STK31: variants seen among roughly 807,000 people sequenced by gnomAD.
The protein encoded by STK31 is serine/threonine-protein kinase 31.
In STK31, 89 loss-of-function variants were observed where a neutral mutation model predicts 129.7. The ratio of observed to expected loss-of-function variants is 0.69; its 90% CI spans 0.58 to 0.82. The LOEUF is 0.82. Ranked by LOEUF, STK31 falls within the 40% of genes least tolerant of loss-of-function variation. The pLI is 0.00. For missense variants in STK31, 1,187 were observed against 1,176.4 expected (o/e 1.01, Z -0.13); for synonymous variants, 448 against 395.3 (o/e 1.13, Z -1.58).
rs113622383 is a variant in STK31, at chr7:23,791,459, T to A, written c.2760+513T>A. ...GACACAAAGAAGGGACACTGGGGTC[T>A]ACTTGAGGGTGGAGGTTGGGAGAAA... On this transcript the variant is annotated intron_variant, in intron 22 of 23. Coordinates refer to ENST00000355870, the MANE Select transcript of STK31 (RefSeq NM_031414.5). The A allele has an allele frequency of 9.5e-3, 2,203 of 232,080 alleles. 41 individuals carry two copies. Among genetic ancestry groups the A allele is most frequent in the African/African-American group, 0.049 (2,082 of 42,886 alleles). 14.4% of individuals were successfully genotyped at this position (232,080 alleles called of 1,614,324 possible). A position where few individuals can be genotyped will look rare whatever the true frequency, so the allele number is the denominator to read the frequency against.
At chr7:23,810,746 G>GAT (rs1321110809) in intron 22 of STK31, among the ~76,000 whole-genome samples, 13 of 122,330 alleles carry the variant, frequency 1.1e-4, no homozygotes, top group South Asian at 4.9e-4. Flanking sequence ...ATATAAAATA[G>GAT]ATATATATAA....
intron 11 of STK31, among the ~76,000 whole-genome samples, chr7:23,764,989 G>C (rs1328091185): frequency 6.6e-6 from 1 of 151,532 alleles, no homozygotes; most frequent in Non-Finnish European, 1.5e-5. Flanking sequence ...TGCCTTTTAA[G>C]TTCGTATCCC....
chr7:23,746,828 T>C (rs996392116), intron 8 of STK31, among the ~76,000 whole-genome samples: 3 of 152,008 alleles, frequency 2.0e-5, no homozygotes, highest in African/African-American at 7.2e-5. Context: ...AACTTAATAT[T>C]ATTTAATTTT....
At position 23,763,485 on chromosome 7, in the gene STK31, C is replaced by T. The variant is rs142654496; in HGVS notation, c.1416+562C>T. On this transcript the variant is annotated intron_variant, in intron 11 of 23. Transcript: ENST00000355870. ...TTTCACCTAATAATAGTGTTTCTCT[C>T]TACTTATTCAGATCTTTTTTTGTCC... Among the ~76,000 whole-genome samples the T allele has an allele frequency of 3.1e-3, 469 of 152,238 alleles. 5 individuals carry two copies. Among genetic ancestry groups the T allele is most frequent in the African/African-American group, 0.01 (426 of 41,556 alleles).
At chr7:23,736,647 T>C (rs1787736511) in intron 7 of STK31, among the ~76,000 whole-genome samples, 1 of 152,128 alleles carries the variant, frequency 6.6e-6, no homozygotes, top group Non-Finnish European at 1.5e-5. Flanking sequence ...TACTTTGTTC[T>C]CTGTAGTTGA....
chr7:23,710,758 C>T (rs1393592828), intron 1 of STK31: 90 of 1,038,054 alleles, frequency 8.7e-5, no homozygotes, highest in Non-Finnish European at 9.6e-5. Flanking sequence ...GCATCAGTGC[C>T]TTCATAATCA....
intron 10 of STK31, among the ~76,000 whole-genome samples, chr7:23,755,395 A>G (rs1442499051): frequency 1.3e-5 from 2 of 152,082 alleles, no homozygotes; most frequent in African/African-American, 4.8e-5. Flanking sequence ...TGGATATTAG[A>G]TCTTTGTCAG....
At chr7:23,766,995 C>T (rs1789868885) in intron 11 of STK31, among the ~76,000 whole-genome samples, 1 of 152,120 alleles carries the variant, frequency 6.6e-6, no homozygotes. Context: ...AGCTGTGTCC[C>T]TTCTGCCATT....
At chr7:23,816,874 T>A (rs1401071170) in intron 23 of STK31, among the ~76,000 whole-genome samples, 1 of 152,130 alleles carries the variant, frequency 6.6e-6, no homozygotes, top group African/African-American at 2.4e-5. Flanking sequence ...GGGGCAATCT[T>A]AGAAGTCTGC....
At chr7:23,746,750 T>TG (rs1788377009) in intron 8 of STK31, among the ~76,000 whole-genome samples, 1 of 152,124 alleles carries the variant, frequency 6.6e-6, no homozygotes, top group East Asian at 1.9e-4. Flanking sequence ...AGGAAGAGCA[T>TG]GGGTTGGTCT....
chr7:23,791,437 A>G, intron 22 of STK31: 2 of 334,276 alleles, frequency 6.0e-6, no homozygotes, highest in Non-Finnish European at 4.2e-6. Flanking sequence ...ACATATGGAC[A>G]CAAAGAAGGG....
intron 23 of STK31, among the ~76,000 whole-genome samples, chr7:23,826,159 C>G (rs545852472): frequency 1.3e-5 from 2 of 152,108 alleles, no homozygotes; most frequent in African/African-American, 2.4e-5. Flanking sequence ...TCCTTGTTAA[C>G]TTTCTGTCTT....
intron 10 of STK31, 134 bp downstream of exon 10, chr7:23,754,608 C>T (rs754062036): frequency 5.0e-5 from 48 of 955,578 alleles, no homozygotes; most frequent in South Asian, 3.4e-4. Context: ...ATACATGCGC[C>T]GTGGTAGTTT....
At chr7:23,790,972 A>G in intron 22 of STK31, 26 bp downstream of exon 22, 1 of 1,481,368 alleles carries the variant, frequency 6.8e-7, no homozygotes, top group Admixed American at 2.4e-5. Flanking sequence ...GTTGAAATAG[A>G]TCATATATAT....
At chr7:23,807,684 G>A (rs1340039410) in intron 22 of STK31, among the ~76,000 whole-genome samples, 1 of 151,602 alleles carries the variant, frequency 6.6e-6, no homozygotes, top group East Asian at 1.9e-4. Flanking sequence ...CAAATTTTCT[G>A]TCTTTTATTG....
At chr7:23,815,095 T>C (rs914541668) in intron 22 of STK31, 49 bp from the exon 23 acceptor site, 1 of 1,341,044 alleles carries the variant, frequency 7.5e-7, no homozygotes, top group Non-Finnish European at 1.0e-6. Context: ...TTCTATAGAT[T>C]GGCGTATTAA....
intron 22 of STK31, among the ~76,000 whole-genome samples, chr7:23,801,603 G>C (rs1200816319): frequency 2.0e-5 from 3 of 151,994 alleles, no homozygotes; most frequent in Non-Finnish European, 4.4e-5. Context: ...TTGTGTATAA[G>C]AACTCTTCGC....
chr7:23,828,399 C>A (rs954949119), intron 23 of STK31, among the ~76,000 whole-genome samples: 84 of 152,356 alleles, frequency 5.5e-4, no homozygotes, highest in African/African-American at 2.0e-3. Flanking sequence ...GAGCCATGTG[C>A]CGGATATAAT....
chr7:23,729,610 A>G (rs1050573624), intron 6 of STK31, among the ~76,000 whole-genome samples: 1 of 150,376 alleles, frequency 6.6e-6, no homozygotes, highest in African/African-American at 2.4e-5. Context: ...TCCCAGGTTC[A>G]AGCAATTCTT....
Sources: allele counts gnomAD v4.1 joint callset (sites outside exome capture counted in the v4.1 genomes callset), GRCh38; gene constraint gnomAD v4.1.1; transcripts MANE v1.5; gene names NCBI Gene and HGNC (gene_info 2026-07-23, HGNC 2026-07-21).